The following NUTM2E variants were observed in gnomAD, a reference collection of about 807,000 sequenced individuals.
NUTM2E encodes family with sequence similarity 22, member E.
A neutral mutation model predicts 26.1 loss-of-function variants in NUTM2E; 3 were observed. That is an observed-to-expected ratio of 0.12 (90% confidence interval 0.05 to 0.30). The LOEUF (loss-of-function observed/expected upper bound fraction) is 0.30. Among genes scored for constraint, NUTM2E ranks in the 10% least tolerant of loss-of-function variants. The pLI, the probability that NUTM2E is intolerant of heterozygous loss-of-function variation, is 1.00. For synonymous variants in NUTM2E, 13 were observed against 157.5 expected (o/e 0.08, Z 6.87); for missense variants, 62 against 381.3 (o/e 0.16, Z 6.97).
At chr10:79,828,894 T>C (rs935484604) in intron 1 of NUTM2E, among the ~76,000 whole-genome samples, 9 of 151,924 alleles carry the variant, frequency 5.9e-5, no homozygotes, top group Non-Finnish European at 1.2e-4. Context: ...CAATTAAAAT[T>C]AGCTGTCATT....
Position 79,841,171 on chromosome 10 carries a change from T to C in NUTM2E, c.-570T>C. ...AGATGAGAAACAATCAGATAACACC[T>C]GTTTCCTCCAGGAAAGAAAATGTGG... On this transcript the variant is annotated 5_prime_UTR_variant, in exon 4 of 10. Transcript: ENST00000429984. 8.6e-6 allele frequency among the ~76,000 whole-genome samples: 1 copy of C among 116,954 alleles called. No individual in the cohort carries two copies. The highest frequency in any genetic ancestry group is 1.8e-5 in the Non-Finnish European group (1 of 54,456). The allele number at this position is 116,954 out of a possible 152,430, so 76.7% of individuals were successfully genotyped here. A position where few individuals can be genotyped will look rare whatever the true frequency, so the allele number is the denominator to read the frequency against.
chr10:79,844,024 CAG>C (rs1156940016), intron 4 of NUTM2E, 147 bp from the exon 5 acceptor site: 1 of 307,904 alleles, frequency 3.2e-6, no homozygotes, highest in Non-Finnish European at 6.1e-6. Flanking sequence ...CGTGGAGGAA[CAG>C]AGCATCCGAT....
At chr10:79,849,024 T>C (rs1842037360) in intron 8 of NUTM2E, 129 bp downstream of exon 8, 1 of 930,866 alleles carries the variant, frequency 1.1e-6, no homozygotes, top group Admixed American at 2.8e-5. Flanking sequence ...TGTCTGTGTA[T>C]GTGATTGTGT....
At chr10:79,829,244 G>A (rs1404561727) in intron 1 of NUTM2E, among the ~76,000 whole-genome samples, 1 of 151,594 alleles carries the variant, frequency 6.6e-6, no homozygotes, top group African/African-American at 2.4e-5. Flanking sequence ...GCTGAGCCAG[G>A]TTTCAAGGGT....
At chr10:79,838,175 A>T (rs1322892300) in intron 1 of NUTM2E, among the ~76,000 whole-genome samples, 134 bp from the exon 2 acceptor site, 1 of 148,612 alleles carries the variant, frequency 6.7e-6, no homozygotes, top group African/African-American at 2.5e-5. Context: ...TTATGTCTTT[A>T]TTTGTAAATC....
chr10:79,835,525 A>G (rs1427371974), intron 1 of NUTM2E, among the ~76,000 whole-genome samples: 2 of 104,756 alleles, frequency 1.9e-5, no homozygotes, highest in Non-Finnish European at 4.0e-5. Context: ...CTGCCACGTC[A>G]GCAGTAGGCA....
chr10:79,829,234 G>A (rs1363196283), intron 1 of NUTM2E, among the ~76,000 whole-genome samples: 1 of 151,558 alleles, frequency 6.6e-6, no homozygotes, highest in African/African-American at 2.4e-5. Context: ...TTCCACAGGG[G>A]CTGAGCCAGG....
chr10:79,847,823 C>T lies in NUTM2E; in HGVS notation c.1212-108C>T, dbSNP rs1589311808. The T allele has an allele frequency of 3.1e-5, 12 of 385,892 alleles. No individual in the cohort carries two copies. In the Admixed American group the frequency reaches 4.2e-4, roughly 14 times the overall value. 23.9% of individuals were successfully genotyped at this position (385,892 alleles called of 1,614,324 possible). ...GGATGGGACACAGTGAGGGCCTGGA[C>T]AGCCCACCCGAGGCACTCCCTCCTA... On this transcript the variant is annotated intron_variant, in intron 6 of 9. Transcript: ENST00000429984.
intron 1 of NUTM2E, among the ~76,000 whole-genome samples, chr10:79,836,415 C>A (rs1224166333): frequency 6.6e-6 from 1 of 151,832 alleles, no homozygotes. Context: ...GTACATGCAA[C>A]TGAAGAAAAT....
At chr10:79,835,090 CTT>C (rs1405606316) in intron 1 of NUTM2E, among the ~76,000 whole-genome samples, 3 of 149,124 alleles carry the variant, frequency 2.0e-5, no homozygotes, top group Non-Finnish European at 4.5e-5. Context: ...GACAGAAAGA[CTT>C]TTATTTGCAT....
In NUTM2E at chr10:79,828,363, CTT is replaced by C. The variant is rs571151177; in HGVS notation, c.-2728+1007_-2728+1008del. On this transcript the variant is annotated intron_variant, in intron 1 of 9. Coordinates refer to ENST00000429984, the MANE Select transcript of NUTM2E (RefSeq NM_001355263.2). ...AGGTATGAGGCTTTTAACTGAAAGT[CTT>C]CTCTCTACGTTTTTATGTCTGTAAC... Among the ~76,000 whole-genome samples the C allele has an allele frequency of 4.0e-5, 6 of 151,892 alleles. No individual in the cohort carries two copies. In the East Asian group the frequency reaches 1.2e-3, roughly 29 times the overall value.
chr10:79,828,350 T>C (rs1841903157), intron 1 of NUTM2E, among the ~76,000 whole-genome samples: 1 of 151,850 alleles, frequency 6.6e-6, no homozygotes, highest in African/African-American at 2.4e-5. Flanking sequence ...GTATGAGGCT[T>C]TTAACTGAAA....
intron 1 of NUTM2E, among the ~76,000 whole-genome samples, chr10:79,837,572 A>G (rs910210809): frequency 6.6e-6 from 1 of 152,104 alleles, no homozygotes; most frequent in Non-Finnish European, 1.5e-5. Flanking sequence ...AGGTATTTTG[A>G]TGCTAGTGTC....
intron 1 of NUTM2E, among the ~76,000 whole-genome samples, chr10:79,834,644 G>A (rs1841949316): frequency 1.3e-5 from 2 of 149,056 alleles, no homozygotes; most frequent in Admixed American, 1.3e-4. Context: ...CTCCAGCCTG[G>A]GCAACAGAGC....
intron 2 of NUTM2E, among the ~76,000 whole-genome samples, 82 bp from the exon 3 acceptor site, chr10:79,838,698 G>T (rs1454174010): frequency 2.6e-5 from 4 of 151,872 alleles, no homozygotes; most frequent in Admixed American, 1.3e-4. Flanking sequence ...CACAATGTGG[G>T]GTCGCCCCGC....
rs1842042472 is a variant in NUTM2E, at chr10:79,849,890, G to A, written c.1921G>A (p.Ala641Thr). 1.5e-6 allele frequency: 1 copy of A among 669,468 alleles called. No homozygotes were observed. The highest frequency in any genetic ancestry group is 2.3e-6 in the Non-Finnish European group (1 of 433,034). 41.5% of individuals were successfully genotyped at this position (669,468 alleles called of 1,614,324 possible). A position where few individuals can be genotyped will look rare whatever the true frequency, so the allele number is the denominator to read the frequency against. The change falls in exon 10 of 10, where the codon GCC becomes ACC. Residue 641 changes from alanine (A) to threonine (T), a missense_variant. By Grantham distance (58) the Ala-to-Thr change is moderately conservative. Transcript: ENST00000429984. ...GAGGGCAGCCCCTAGTCGTGGCACA[G>A]CCCGGTTGGACTCAAGTTCTTCTAA... ...HSRAAPSRGT[A>T]RLDSSSSKFA...
intron 1 of NUTM2E, among the ~76,000 whole-genome samples, chr10:79,838,099 C>G (rs1455488785): frequency 1.3e-5 from 2 of 151,434 alleles, no homozygotes; most frequent in African/African-American, 4.8e-5. Flanking sequence ...TCATAGTAGA[C>G]AGAAACCCTA....
At chr10:79,830,914 C>T (rs1399815985) in intron 1 of NUTM2E, among the ~76,000 whole-genome samples, 1 of 151,614 alleles carries the variant, frequency 6.6e-6, no homozygotes, top group Non-Finnish European at 1.5e-5. Context: ...CATTTATTGC[C>T]ATAATTTAGC....
chr10:79,828,194 A>C (rs1841901676), intron 1 of NUTM2E, among the ~76,000 whole-genome samples: 1 of 151,780 alleles, frequency 6.6e-6, no homozygotes, highest in African/African-American at 2.4e-5. Flanking sequence ...ATGATATAGG[A>C]ATAAATTTGT....
Sources: allele counts gnomAD v4.1 joint callset (sites outside exome capture counted in the v4.1 genomes callset), GRCh38; gene constraint gnomAD v4.1.1; transcripts MANE v1.5; gene names NCBI Gene and HGNC (gene_info 2026-07-23, HGNC 2026-07-21).